MOCOS: variants seen among roughly 807,000 people sequenced by gnomAD.
MOCOS encodes the protein human molybdenum cofactor sulfurase.
A neutral mutation model predicts 83.6 loss-of-function variants in MOCOS; 86 were observed. The observed-to-expected ratio is 1.03, with a 90% CI of 0.86 to 1.23. The LOEUF (loss-of-function observed/expected upper bound fraction) is 1.23. Ranked by LOEUF, MOCOS falls within the 50% of genes most tolerant of loss-of-function variation. MOCOS has a pLI of 0.00. For missense variants in MOCOS, 1,120 were observed against 1,126.9 expected, an observed-to-expected ratio of 0.99 and a Z score of 0.09; for synonymous variants, 445 against 434.7, an observed-to-expected ratio of 1.02 and a Z score of -0.29.
chr18:36,192,595 C>A (rs1410527064), intron 1 of MOCOS, among the ~76,000 whole-genome samples: 1 of 152,126 alleles, frequency 6.6e-6, no homozygotes, highest in South Asian at 2.1e-4. Context: ...AGTTGACAAG[C>A]TGATTCTAAA....
intron 13 of MOCOS, among the ~76,000 whole-genome samples, chr18:36,260,516 C>T (rs1810132224): frequency 1.3e-5 from 2 of 152,168 alleles, no homozygotes; most frequent in African/African-American, 4.8e-5. Context: ...ACTTGTTGGA[C>T]TTTGTGGCAG....
intron 13 of MOCOS, among the ~76,000 whole-genome samples, chr18:36,262,162 A>G (rs1001505737): frequency 1.3e-5 from 2 of 152,002 alleles, no homozygotes; most frequent in Non-Finnish European, 2.9e-5. Context: ...GTAGAAATCT[A>G]TCCCATAGAA....
At chr18:36,267,738 A>T (rs2091686439) in intron 14 of MOCOS, among the ~76,000 whole-genome samples, 1 of 152,240 alleles carries the variant, frequency 6.6e-6, no homozygotes, top group Middle Eastern at 3.2e-3. Flanking sequence ...AGAAAGAAGA[A>T]GGCACAAATA....
intron 11 of MOCOS, among the ~76,000 whole-genome samples, chr18:36,254,658 A>C (rs2091635408): frequency 6.6e-6 from 1 of 151,094 alleles, no homozygotes. Flanking sequence ...TCAGTCTTTT[A>C]TTTCTTTCCT....
Position 36,199,951 on chromosome 18 carries a change from C to G in MOCOS, c.568C>G (p.Pro190Ala), listed in dbSNP as rs1456965992. The G allele has an allele frequency of 1.2e-6, 2 of 1,614,216 alleles. No individual in the cohort carries two copies. Among genetic ancestry groups the G allele is most frequent in the Non-Finnish European group, 1.7e-6 (2 of 1,180,034 alleles). Residue 190 changes from proline to alanine, a missense_variant, in exon 4 of 15, where the codon CCA (proline) becomes GCA (alanine). By Grantham distance (27) the Pro-to-Ala change is conservative. Coordinates refer to ENST00000261326, the MANE Select transcript of MOCOS (RefSeq NM_017947.4). ...AEERSASASNPDCQLPHLFCY... is the reference protein window; with the variant it reads ...AEERSASASNADCQLPHLFCY... ...GGAACGTAGTGCTTCAGCCAGCAAC[C>G]CAGACTGCCAGCTGCCGCATCTCTT...
At chr18:36,189,190 T>C (rs2144889329) in intron 1 of MOCOS, among the ~76,000 whole-genome samples, 1 of 152,210 alleles carries the variant, frequency 6.6e-6, no homozygotes, top group East Asian at 1.9e-4. Context: ...CCCTCCTGGT[T>C]TCACTCTTGT....
At chr18:36,268,403 G>A in intron 14 of MOCOS, 130 bp from the exon 15 acceptor site, 1 of 1,081,272 alleles carries the variant, frequency 9.2e-7, no homozygotes. Flanking sequence ...TAACAGATAG[G>A]AGATATCAAG....
At chr18:36,251,435 C>G in intron 11 of MOCOS, 152 bp downstream of exon 11, 1 of 1,081,900 alleles carries the variant, frequency 9.2e-7, no homozygotes, top group East Asian at 2.4e-5. Flanking sequence ...TGCAGTAGCC[C>G]CAGGTCAGCA....
At position 36,215,993 on chromosome 18, in the gene MOCOS, G is replaced by A. The variant is rs2144917593; in HGVS notation, c.1797+16G>A. On this transcript the variant is annotated intron_variant, in intron 8 of 14. Coordinates refer to ENST00000261326, the MANE Select transcript of MOCOS (RefSeq NM_017947.4). ...TGCATTTGAGGTAAGGAATTTCACA[G>A]CAGCACAGAAAGTCTTCTCTTTGTT... 2 of 1,602,792 alleles carry A rather than the reference G, an allele frequency of 1.2e-6. No homozygotes were observed. The highest frequency in any genetic ancestry group is 1.7e-6 in the Non-Finnish European group (2 of 1,173,728).
chr18:36,250,350 A>C (rs1423544610), intron 10 of MOCOS, among the ~76,000 whole-genome samples: 1 of 152,218 alleles, frequency 6.6e-6, no homozygotes, highest in Non-Finnish European at 1.5e-5. Flanking sequence ...CTGTCATGCA[A>C]GGCAGGAAAT....
At chr18:36,198,358 C>T (rs756212321) in intron 2 of MOCOS, among the ~76,000 whole-genome samples, 14 of 152,196 alleles carry the variant, frequency 9.2e-5, no homozygotes, top group Admixed American at 9.2e-4. Flanking sequence ...CACTGCCCTC[C>T]ATCCTGGGTG....
chr18:36,196,201 G>A (rs2091386997), intron 2 of MOCOS, among the ~76,000 whole-genome samples: 2 of 152,234 alleles, frequency 1.3e-5, no homozygotes, highest in Non-Finnish European at 2.9e-5. Flanking sequence ...AGCACAACAT[G>A]ATCTCACATA....
At chr18:36,203,361 G>C (rs58295002) in intron 5 of MOCOS, among the ~76,000 whole-genome samples, 172 bp downstream of exon 5, 257 of 152,322 alleles carry the variant, frequency 1.7e-3, no homozygotes, top group African/African-American at 6.1e-3. Context: ...GCAAGAGAAT[G>C]AGGTGGGGTT....
At chr18:36,242,599 C>G (rs2091587987) in intron 9 of MOCOS, among the ~76,000 whole-genome samples, 1 of 152,190 alleles carries the variant, frequency 6.6e-6, no homozygotes, top group African/African-American at 2.4e-5. Context: ...ATATCTGAGA[C>G]TGGGTAATTT....
rs1272869140 is a variant in MOCOS, at chr18:36,200,193, A to G, written c.810A>G (p.Thr270=). The G allele has an allele frequency of 1.2e-6, 2 of 1,614,088 alleles. No homozygotes were observed. The highest frequency in any genetic ancestry group is 1.7e-5 in the Admixed American group (1 of 60,010). The part of the protein sequence containing the change: ...ISFYKIFGFP[T]GLGALLVHNR... ...TCTATAAGATCTTCGGGTTTCCTACAGGCCTGGGCGCTCTGCTGGTCCATA... is the reference window on the plus strand; with the variant it reads ...TCTATAAGATCTTCGGGTTTCCTACGGGCCTGGGCGCTCTGCTGGTCCATA... The change falls in exon 4 of 15, where the codon ACA becomes ACG. Residue 270 remains threonine, a synonymous_variant. Transcript: ENST00000261326.
intron 8 of MOCOS, among the ~76,000 whole-genome samples, chr18:36,217,014 TATC>T (rs1568055571): frequency 6.6e-6 from 1 of 152,098 alleles, no homozygotes; most frequent in Non-Finnish European, 1.5e-5. Flanking sequence ...TTCTCAAAAA[TATC>T]ATGGTTGTGA....
At chr18:36,207,925 A>G (rs2091440484) in intron 6 of MOCOS, among the ~76,000 whole-genome samples, 1 of 152,094 alleles carries the variant, frequency 6.6e-6, no homozygotes, top group East Asian at 1.9e-4. Flanking sequence ...TTATAGTTTC[A>G]GGTTTTACAT....
intron 9 of MOCOS, among the ~76,000 whole-genome samples, chr18:36,226,563 A>T (rs1477875620): frequency 1.3e-5 from 2 of 151,794 alleles, no homozygotes; most frequent in African/African-American, 4.8e-5. Context: ...AGGATTTAAT[A>T]TTGCCATTTG....
At chr18:36,222,192 T>C (rs1338830444) in intron 9 of MOCOS, among the ~76,000 whole-genome samples, 1 of 152,338 alleles carries the variant, frequency 6.6e-6, no homozygotes, top group Admixed American at 6.5e-5. Context: ...GCAATGAACA[T>C]TGGGAGTGCT....
Sources: allele counts gnomAD v4.1 joint callset (sites outside exome capture counted in the v4.1 genomes callset), GRCh38; gene constraint gnomAD v4.1.1; transcripts MANE v1.5; gene names NCBI Gene and HGNC (gene_info 2026-07-23, HGNC 2026-07-21).